The following MMP16 variants were observed in gnomAD, a reference collection of about 807,000 sequenced individuals.
The protein encoded by MMP16 is matrix metallopeptidase 16.
A neutral mutation model predicts 67.8 loss-of-function variants in MMP16; 12 were observed. That is an observed-to-expected ratio of 0.18 (90% CI 0.11 to 0.29). The LOEUF (loss-of-function observed/expected upper bound fraction) is 0.29. Among genes scored for constraint, MMP16 ranks in the 10% least tolerant of loss-of-function variants. MMP16 has a pLI of 1.00. For missense variants in MMP16, 475 were observed against 765.7 expected (o/e 0.62, Z 4.48); for synonymous variants, 249 against 255.9 (o/e 0.97, Z 0.26).
At chr8:88,084,119 A>C (rs1366117778) in intron 6 of MMP16, among the ~76,000 whole-genome samples, 2 of 152,012 alleles carry the variant, frequency 1.3e-5, no homozygotes, top group East Asian at 3.9e-4. Context: ...TATATATGCT[A>C]ATTTTAATAG....
intron 9 of MMP16, among the ~76,000 whole-genome samples, chr8:88,042,426 A>T (rs180747586): frequency 6.6e-6 from 1 of 152,264 alleles, no homozygotes; most frequent in East Asian, 1.9e-4. Flanking sequence ...TTAACAAGTA[A>T]AGACGTATTC....
chr8:88,205,951 A>G (rs1230126474), intron 1 of MMP16, among the ~76,000 whole-genome samples: 2 of 151,854 alleles, frequency 1.3e-5, no homozygotes, highest in African/African-American at 4.8e-5. Flanking sequence ...TATCCAATCC[A>G]TCATCAGGTT....
chr8:88,067,595 G>A (rs976566009), intron 7 of MMP16, among the ~76,000 whole-genome samples: 1 of 152,024 alleles, frequency 6.6e-6, no homozygotes, highest in African/African-American at 2.4e-5. Context: ...CCTGTCCCCA[G>A]GGAACCAATG....
At chr8:88,161,010 T>G (rs1156614415) in intron 4 of MMP16, among the ~76,000 whole-genome samples, 1 of 152,116 alleles carries the variant, frequency 6.6e-6, no homozygotes, top group African/African-American at 2.4e-5. Context: ...AAAATTCTCT[T>G]TTTTTGTTGT....
chr8:88,314,063 C>A (rs1290306552), intron 1 of MMP16, among the ~76,000 whole-genome samples: 1 of 152,206 alleles, frequency 6.6e-6, no homozygotes, highest in Non-Finnish European at 1.5e-5. Flanking sequence ...TAACGTGCAG[C>A]TGTCCCATAT....
At chr8:88,162,161 C>T (rs1398765450) in intron 4 of MMP16, among the ~76,000 whole-genome samples, 1 of 151,748 alleles carries the variant, frequency 6.6e-6, no homozygotes, top group Non-Finnish European at 1.5e-5. Flanking sequence ...TGCTACTTTC[C>T]AACTGCACAT....
intron 4 of MMP16, among the ~76,000 whole-genome samples, chr8:88,134,513 T>C (rs927987826): frequency 6.6e-6 from 1 of 151,682 alleles, no homozygotes; most frequent in African/African-American, 2.4e-5. Context: ...CCAATTTTTT[T>C]TTCATAAAAA....
chr8:88,309,529 A>C (rs1811264038), intron 1 of MMP16, among the ~76,000 whole-genome samples: 1 of 151,970 alleles, frequency 6.6e-6, no homozygotes, highest in Non-Finnish European at 1.5e-5. Context: ...AAATGACTGA[A>C]ACCTGCAACT....
At chr8:88,299,629 A>AT (rs1345239413) in intron 1 of MMP16, among the ~76,000 whole-genome samples, 1 of 152,212 alleles carries the variant, frequency 6.6e-6, no homozygotes, top group Non-Finnish European at 1.5e-5. Flanking sequence ...TACTTCATCT[A>AT]ATAAGTCAAT....
chr8:88,141,395 T>C (rs960871067), intron 4 of MMP16, among the ~76,000 whole-genome samples: 4 of 152,140 alleles, frequency 2.6e-5, no homozygotes, highest in Non-Finnish European at 4.4e-5. Flanking sequence ...ATTAGATTGG[T>C]CAAGGTGAAA....
intron 7 of MMP16, among the ~76,000 whole-genome samples, chr8:88,063,483 T>A (rs1051509232): frequency 1.3e-5 from 1 of 78,794 alleles, no homozygotes; most frequent in Non-Finnish European, 2.7e-5. Flanking sequence ...CCTAATAACC[T>A]TTTTTTTTTT....
In MMP16 at chr8:88,033,967, A is replaced by C. The variant is rs574865020; in HGVS notation, c.*7494T>G. The stretch of plus-strand genomic sequence containing the variant: ...TTTCCTGTATAATTATTTAAGATAC[A>C]TTCTCCAAAAGCAAATTTCCTTAGC... On this transcript the variant is annotated 3_prime_UTR_variant, in exon 10 of 10. Coordinates refer to ENST00000286614, the MANE Select transcript of MMP16 (RefSeq NM_005941.5). 6.6e-6 allele frequency: 1 copy of C among 152,088 alleles called. No individual in the cohort carries two copies. The highest frequency in any genetic ancestry group is 1.5e-5 in the Non-Finnish European group (1 of 67,962). The allele number at this position is 152,088 out of a possible 1,614,324, so 9.4% of individuals were successfully genotyped here.
chr8:88,116,454 C>T, intron 6 of MMP16, 53 bp downstream of exon 6: 1 of 1,460,804 alleles, frequency 6.8e-7, no homozygotes, highest in Admixed American at 1.9e-5. Context: ...TTTTCTAAAG[C>T]AACACTAGAC....
At position 88,081,359 on chromosome 8, in the gene MMP16, A is replaced by T. The variant is rs1808748163; in HGVS notation, c.1084-6616T>A. On this transcript the variant is annotated intron_variant, in intron 6 of 9. Coordinates refer to ENST00000286614, the MANE Select transcript of MMP16 (RefSeq NM_005941.5). The stretch of plus-strand genomic sequence containing the variant: ...CAAAAGCATGGAGAAAAAGCAAACT[A>T]TCAGAATTTCTCAGAAAATTTCTTA... 2.0e-5 allele frequency among the ~76,000 whole-genome samples: 3 copies of T among 152,188 alleles called. No individual in the cohort carries two copies. The South Asian group carries it at 6.2e-4, about 31-fold the overall frequency.
intron 1 of MMP16, among the ~76,000 whole-genome samples, chr8:88,314,397 G>A (rs185716712): frequency 9.2e-4 from 140 of 152,154 alleles, no homozygotes; most frequent in Non-Finnish European, 1.5e-3. Context: ...CTGCTTTGTC[G>A]TATGCCTGAC....
intron 6 of MMP16, among the ~76,000 whole-genome samples, chr8:88,083,126 A>C (rs1029752113): frequency 6.6e-6 from 1 of 152,094 alleles, no homozygotes; most frequent in Non-Finnish European, 1.5e-5. Flanking sequence ...CAGAGTAAAA[A>C]AAGAGATATA....
At chr8:88,309,420 T>C (rs1811261695) in intron 1 of MMP16, among the ~76,000 whole-genome samples, 1 of 151,278 alleles carries the variant, frequency 6.6e-6, no homozygotes, top group South Asian at 2.1e-4. Flanking sequence ...AGGAAGAAAG[T>C]CTATAAAGAG....
chr8:88,122,568 T>C (rs939213475), intron 4 of MMP16, among the ~76,000 whole-genome samples: 13 of 152,072 alleles, frequency 8.5e-5, no homozygotes, highest in Non-Finnish European at 1.6e-4. Flanking sequence ...AGTCCATATC[T>C]AGAAATAAAA....
At chr8:88,247,032 G>A (rs1810123923) in intron 1 of MMP16, among the ~76,000 whole-genome samples, 1 of 152,120 alleles carries the variant, frequency 6.6e-6, no homozygotes, top group Non-Finnish European at 1.5e-5. Context: ...AGAGGAAGCA[G>A]TTCTTCCAAA....
Sources: gnomAD v4.1 joint callset for allele counts (sites outside exome capture counted in the v4.1 genomes callset) on GRCh38, gnomAD v4.1.1 for gene constraint, MANE v1.5 for transcripts, NCBI Gene and HGNC (gene_info 2026-07-23, HGNC 2026-07-21) for gene names.